KCNIP4: variants seen among roughly 807,000 people sequenced by gnomAD.
The protein encoded by KCNIP4 is Kv channel-interacting protein 4.
A neutral mutation model predicts 34.0 loss-of-function variants in KCNIP4; 12 were observed. The ratio of observed to expected loss-of-function variants is 0.35; its 90% CI spans 0.23 to 0.57. The LOEUF (loss-of-function observed/expected upper bound fraction) is 0.57. Ranked by LOEUF, KCNIP4 falls within the 20% of genes least tolerant of loss-of-function variation. KCNIP4 has a pLI of 0.83. For missense variants in KCNIP4, 238 were observed against 311.7 expected, an observed-to-expected ratio of 0.76 and a Z score of 1.78; for synonymous variants, 124 against 102.2, an observed-to-expected ratio of 1.21 and a Z score of -1.29.
chr4:20,815,609 G>T (rs537654681), intron 3 of KCNIP4, among the ~76,000 whole-genome samples: 1 of 152,116 alleles, frequency 6.6e-6, no homozygotes, highest in African/African-American at 2.4e-5. Context: ...AAACCTACCT[G>T]TTACATTAAT....
intron 1 of KCNIP4, among the ~76,000 whole-genome samples, chr4:21,556,190 C>T (rs918810911): frequency 2.6e-5 from 4 of 151,980 alleles, no homozygotes; most frequent in South Asian, 2.1e-4. Context: ...TATTGGCTTT[C>T]GAGTTGGAAG....
At chr4:21,758,792 T>G (rs1237896457) in intron 1 of KCNIP4, among the ~76,000 whole-genome samples, 1 of 151,738 alleles carries the variant, frequency 6.6e-6, no homozygotes, top group Non-Finnish European at 1.5e-5. Context: ...AACCTCCAAA[T>G]GGTAATTATT....
chr4:20,847,405 C>A (rs999136215), intron 3 of KCNIP4, among the ~76,000 whole-genome samples: 2 of 152,146 alleles, frequency 1.3e-5, no homozygotes, highest in African/African-American at 4.8e-5. Context: ...AATGCAAATT[C>A]TATGACCCAA....
intron 1 of KCNIP4, among the ~76,000 whole-genome samples, chr4:21,021,859 C>CGTATCGTATA (rs1553928077): frequency 0.011 from 1,597 of 145,914 alleles, 14 homozygotes; most frequent in Middle Eastern, 0.025. Flanking sequence ...AGTATAGTAT[C>CGTATCGTATA]GTATAGTATA....
intron 1 of KCNIP4, among the ~76,000 whole-genome samples, chr4:21,918,706 T>C (rs1213808313): frequency 6.6e-6 from 1 of 152,142 alleles, no homozygotes; most frequent in Non-Finnish European, 1.5e-5. Flanking sequence ...GGAGAGGCCA[T>C]TCAGCTAAAA....
intron 1 of KCNIP4, among the ~76,000 whole-genome samples, chr4:21,745,308 C>CA (rs1470683590): frequency 6.6e-6 from 1 of 152,134 alleles, no homozygotes; most frequent in Non-Finnish European, 1.5e-5. Context: ...CGTAGAATTT[C>CA]AAAGACGTTT....
intron 1 of KCNIP4, among the ~76,000 whole-genome samples, chr4:21,932,443 T>G (rs1333014473): frequency 6.6e-6 from 1 of 152,156 alleles, no homozygotes; most frequent in Admixed American, 6.6e-5. Context: ...GCTATTTGTG[T>G]TAGCAAACAG....
At chr4:21,633,978 C>T (rs1002668270) in intron 1 of KCNIP4, among the ~76,000 whole-genome samples, 2 of 151,852 alleles carry the variant, frequency 1.3e-5, no homozygotes, top group Admixed American at 6.6e-5. Context: ...TGATAGTCAT[C>T]GTAGAGCTTC....
At chr4:21,283,435 A>G (rs1348480510) in intron 1 of KCNIP4, among the ~76,000 whole-genome samples, 2 of 151,854 alleles carry the variant, frequency 1.3e-5, no homozygotes, top group Admixed American at 1.3e-4. Flanking sequence ...TCATGCCATA[A>G]TCTGAAGGTG....
intron 1 of KCNIP4, among the ~76,000 whole-genome samples, chr4:21,770,589 C>T (rs951979269): frequency 3.9e-5 from 6 of 152,104 alleles, no homozygotes; most frequent in African/African-American, 1.4e-4. Context: ...AAAAGTGTTC[C>T]TGTTTCACCA....
chr4:21,314,953 C>A (rs1350339403), intron 1 of KCNIP4, among the ~76,000 whole-genome samples: 3 of 152,182 alleles, frequency 2.0e-5, no homozygotes, highest in Admixed American at 2.0e-4. Flanking sequence ...TTGCTCTGCT[C>A]TGGCTATGTT....
chr4:21,780,932 T>C (rs1719536991), intron 1 of KCNIP4, among the ~76,000 whole-genome samples: 1 of 152,146 alleles, frequency 6.6e-6, no homozygotes, highest in Non-Finnish European at 1.5e-5. Flanking sequence ...CACTCCAATT[T>C]TTGCTTCTGT....
At chr4:21,487,575 C>A (rs142703833) in intron 1 of KCNIP4, among the ~76,000 whole-genome samples, 2 of 152,218 alleles carry the variant, frequency 1.3e-5, no homozygotes, top group Admixed American at 6.5e-5. Flanking sequence ...GAATGGGGAG[C>A]AATGTTCCAT....
intron 1 of KCNIP4, among the ~76,000 whole-genome samples, chr4:21,715,752 CA>C (rs1042625211): frequency 2.1e-4 from 32 of 152,046 alleles, no homozygotes; most frequent in African/African-American, 7.7e-4. Context: ...TTGCATCCAT[CA>C]AAAAAAGTCC....
rs778784103 is a variant in KCNIP4, at chr4:21,247,892, GAT to G, written c.62-365185_62-365184del. On this transcript the variant is annotated intron_variant, in intron 1 of 8. Coordinates refer to ENST00000382152, the MANE Select transcript of KCNIP4 (RefSeq NM_025221.6). The stretch of plus-strand genomic sequence containing the variant: ...CACACACACACACACACCACAGGTA[GAT>G]ATATATATATATATACACACACACA... Among the ~76,000 whole-genome samples, 861 of 110,408 alleles carry G rather than the reference GAT, an allele frequency of 7.8e-3. 8 individuals carry two copies. Among genetic ancestry groups the G allele is most frequent in the African/African-American group, 0.027 (685 of 25,184 alleles). The allele number at this position is 110,408 out of a possible 152,430, so 72.4% of individuals were successfully genotyped here.
chr4:20,775,864 TC>T (rs2149385482), intron 3 of KCNIP4, among the ~76,000 whole-genome samples: 1 of 152,270 alleles, frequency 6.6e-6, no homozygotes, highest in African/African-American at 2.4e-5. Flanking sequence ...GCAGAAAGAC[TC>T]CCAGCTATTA....
intron 1 of KCNIP4, among the ~76,000 whole-genome samples, chr4:21,451,758 G>A (rs1157205974): frequency 2.0e-5 from 3 of 152,062 alleles, no homozygotes; most frequent in Admixed American, 6.6e-5. Context: ...GGTGGTGTCT[G>A]TAATTTTCGC....
chr4:21,284,871 C>G (rs993610), intron 1 of KCNIP4, among the ~76,000 whole-genome samples: 3 of 151,710 alleles, frequency 2.0e-5, no homozygotes, highest in East Asian at 3.9e-4. Context: ...ACACACCCAC[C>G]GGGAGAAGGG....
intron 1 of KCNIP4, among the ~76,000 whole-genome samples, chr4:21,514,662 A>G (rs1293139442): frequency 6.6e-6 from 1 of 152,128 alleles, no homozygotes; most frequent in Admixed American, 6.6e-5. Flanking sequence ...AAAAATAAAA[A>G]CGGAAAAATT....
Sources: gnomAD v4.1 joint callset for allele counts (sites outside exome capture counted in the v4.1 genomes callset) on GRCh38, gnomAD v4.1.1 for gene constraint, MANE v1.5 for transcripts, NCBI Gene and HGNC (gene_info 2026-07-23, HGNC 2026-07-21) for gene names.